The following PCDH15 variants were observed in gnomAD, a reference collection of about 807,000 sequenced individuals.
PCDH15 encodes protocadherin related 15, also known as protocadherin-15.
PCDH15 carries 129 observed loss-of-function variants against 178.5 expected under a neutral mutation model. The ratio of observed to expected loss-of-function variants is 0.72; its 90% CI spans 0.63 to 0.84. The LOEUF (loss-of-function observed/expected upper bound fraction) is 0.84. Among genes scored for constraint, PCDH15 ranks in the 40% least tolerant of loss-of-function variants. PCDH15 has a pLI of 0.00. For synonymous variants in PCDH15, 800 were observed against 732.0 expected, an observed-to-expected ratio of 1.09 and a Z score of -1.50; for missense variants, 2,230 against 2,099.9, an observed-to-expected ratio of 1.06 and a Z score of -1.21.
chr10:54,263,602 T>C (rs930903136), intron 8 of PCDH15, among the ~76,000 whole-genome samples: 21 of 152,056 alleles, frequency 1.4e-4, no homozygotes, highest in African/African-American at 4.6e-4. Flanking sequence ...ACAAGCAACA[T>C]CTATGAAAGC....
chr10:55,262,469 T>C (rs998819013), intron 1 of PCDH15, among the ~76,000 whole-genome samples: 1 of 152,178 alleles, frequency 6.6e-6, no homozygotes, highest in African/African-American at 2.4e-5. Flanking sequence ...CACAGGCGGC[T>C]GGATGCTGAG....
At chr10:54,576,696 A>T (rs4381287) in intron 2 of PCDH15, among the ~76,000 whole-genome samples, 142,312 of 152,052 alleles carry the variant, frequency 0.94, 66,878 homozygotes, top group Middle Eastern at 0.98. Context: ...TATCCAGATC[A>T]GATAAAACGT....
intron 26 of PCDH15, among the ~76,000 whole-genome samples, chr10:53,883,508 G>A (rs184072950): frequency 2.0e-4 from 30 of 152,142 alleles, no homozygotes; most frequent in Middle Eastern, 3.4e-3. Flanking sequence ...CTGCAGGGAG[G>A]AAACTGCTCT....
intron 1 of PCDH15, among the ~76,000 whole-genome samples, chr10:54,733,328 C>T (rs181236685): frequency 2.0e-5 from 3 of 151,600 alleles, no homozygotes; most frequent in Admixed American, 6.6e-5. Context: ...TGAATGTTAA[C>T]AATGAACATC....
At chr10:54,403,201 C>T (rs982640511) in intron 3 of PCDH15, among the ~76,000 whole-genome samples, 3 of 151,888 alleles carry the variant, frequency 2.0e-5, no homozygotes, top group African/African-American at 7.3e-5. Flanking sequence ...AGAGCAAGGA[C>T]CTAGCTCTCT....
rs1161136740 is a variant in PCDH15 at position 53,806,770 on chromosome 10, C to T, written c.5032G>A (p.Val1678Met). 5 of 1,613,848 alleles carry T rather than the reference C, an allele frequency of 3.1e-6. No individual in the cohort carries two copies. Among genetic ancestry groups the T allele is most frequent in the East Asian group, 2.2e-5 (1 of 44,862 alleles). Residue 1678 changes from valine (V) to methionine (M), a missense_variant, in exon 38 of 38, where the codon GTG becomes ATG. Coordinates refer to ENST00000644397, the MANE Select transcript of PCDH15 (RefSeq NM_001384140.1). ...TTCACCGCTGTATTGTCAGTCCCCA[C>T]AGGGCAAGGGGCAAATGTAACCAGA... Reference protein sequence around the residue: ...PTLVTFAPCPVGTDNTAVKPL... With the variant: ...PTLVTFAPCPMGTDNTAVKPL...
chr10:55,460,887 C>G (rs1460270263), intron 2 of PCDH15, among the ~76,000 whole-genome samples: 3 of 152,076 alleles, frequency 2.0e-5, no homozygotes, highest in Non-Finnish European at 4.4e-5. Flanking sequence ...TGGTTTGATA[C>G]TTTCAGGTCC....
intron 2 of PCDH15, among the ~76,000 whole-genome samples, chr10:55,456,831 C>T (rs887578643): frequency 5.3e-5 from 8 of 151,950 alleles, no homozygotes; most frequent in Admixed American, 4.6e-4. Flanking sequence ...GAGTCTGGTT[C>T]TGTGAACACT....
chr10:54,916,974 T>C (rs533518685), intron 2 of PCDH15, among the ~76,000 whole-genome samples: 2 of 152,198 alleles, frequency 1.3e-5, no homozygotes, highest in East Asian at 3.9e-4. Flanking sequence ...CAGGACATAA[T>C]ACACAGAAAA....
chr10:54,625,721 C>T lies in PCDH15; in HGVS notation c.91+38451G>A, dbSNP rs143235223. Among the ~76,000 whole-genome samples, 717 of 152,224 alleles carry T rather than the reference C, an allele frequency of 4.7e-3. 2 individuals carry two copies. Among genetic ancestry groups the T allele is most frequent in the Middle Eastern group, 0.017 (5 of 294 alleles). On this transcript the variant is annotated intron_variant, in intron 2 of 37. Transcript: ENST00000644397. ...TCAGTCTCAGGTATGTCTTTATCAG[C>T]AGCTTGAAAACAGACTAATACAGTA...
chr10:54,899,650 C>G (rs1954609624), intron 2 of PCDH15, among the ~76,000 whole-genome samples: 1 of 151,946 alleles, frequency 6.6e-6, no homozygotes, highest in Non-Finnish European at 1.5e-5. Context: ...GTGCCCACCA[C>G]CAGGCCTGGC....
chr10:53,972,670 C>A (rs1381996047), intron 21 of PCDH15, among the ~76,000 whole-genome samples: 2 of 152,170 alleles, frequency 1.3e-5, no homozygotes, highest in Non-Finnish European at 2.9e-5. Flanking sequence ...ATTTATGCAG[C>A]CAACAGACAC....
intron 18 of PCDH15, among the ~76,000 whole-genome samples, chr10:54,030,847 T>G (rs2093271603): frequency 6.6e-6 from 1 of 151,790 alleles, no homozygotes; most frequent in Non-Finnish European, 1.5e-5. Flanking sequence ...AACTCTCAAG[T>G]GTCAGTGGTT....
At position 54,922,391 on chromosome 10, in the gene PCDH15, C is replaced by T. The variant is rs147967067; in HGVS notation, c.-79-24891G>A. Among the ~76,000 whole-genome samples the T allele has an allele frequency of 5.6e-3, 847 of 152,196 alleles. 12 individuals are homozygous for T. Among genetic ancestry groups the T allele is most frequent in the African/African-American group, 0.02 (814 of 41,518 alleles). ...AGAGAAATTGGCCAAAACAAGGGAG[C>T]TATAGGCCCTATGCAATTCCAAACC... is the stretch of plus-strand genomic sequence containing the variant. On this transcript the variant is annotated intron_variant, in intron 2 of 5. Transcript: ENST00000458638.
At chr10:54,737,449 T>C (rs1944263347) in intron 1 of PCDH15, among the ~76,000 whole-genome samples, 1 of 152,094 alleles carries the variant, frequency 6.6e-6, no homozygotes, top group African/African-American at 2.4e-5. Context: ...ATGCTCACAA[T>C]ATAGGTGAGC....
chr10:54,584,299 C>G (rs1034212415), intron 2 of PCDH15, among the ~76,000 whole-genome samples: 1 of 152,058 alleles, frequency 6.6e-6, no homozygotes, highest in Non-Finnish European at 1.5e-5. Context: ...GAGACTGAGG[C>G]AGAAGGATCA....
At chr10:54,202,766 T>G (rs1320562509) in intron 10 of PCDH15, among the ~76,000 whole-genome samples, 2 of 147,596 alleles carry the variant, frequency 1.4e-5, no homozygotes, top group Non-Finnish European at 3.0e-5. Context: ...GAGCCAAGAT[T>G]GCGCCACTAC....
At chr10:55,569,368 A>C (rs959474727) in intron 2 of PCDH15, among the ~76,000 whole-genome samples, 1 of 152,006 alleles carries the variant, frequency 6.6e-6, no homozygotes, top group African/African-American at 2.4e-5. Context: ...ATATATAAGC[A>C]TCTGTTATAA....
chr10:55,358,576 T>C (rs1845137484), intron 2 of PCDH15, among the ~76,000 whole-genome samples: 2 of 152,130 alleles, frequency 1.3e-5, no homozygotes, highest in South Asian at 2.1e-4. Context: ...AATAATATAA[T>C]AGTTGCCACC....
Sources: gnomAD v4.1 joint callset for allele counts (sites outside exome capture counted in the v4.1 genomes callset) on GRCh38, gnomAD v4.1.1 for gene constraint, MANE v1.5 for transcripts, NCBI Gene and HGNC (gene_info 2026-07-23, HGNC 2026-07-21) for gene names.